The following TENM3 variants were observed in gnomAD, a reference collection of about 807,000 sequenced individuals.
The protein encoded by TENM3 is teneurin-3.
TENM3 carries 63 observed loss-of-function variants against 255.1 expected under a neutral mutation model. The ratio of observed to expected loss-of-function variants is 0.25; its 90% CI spans 0.20 to 0.30. The LOEUF is 0.30. TENM3 is among the 10% of genes least tolerant of loss of function. The pLI is 1.00. For synonymous variants in TENM3, 1,306 were observed against 1,322.3 expected (o/e 0.99, Z 0.27); for missense variants, 2,929 against 3,461.1 (o/e 0.85, Z 3.86).
intron 3 of TENM3, among the ~76,000 whole-genome samples, chr4:182,400,334 G>A (rs1439613625): frequency 1.3e-5 from 2 of 152,180 alleles, no homozygotes; most frequent in African/African-American, 4.8e-5. Flanking sequence ...GGTTTGGAAT[G>A]TTTTAAACAT....
chr4:182,742,155 C>T (rs773162356), intron 18 of TENM3, among the ~76,000 whole-genome samples: 1 of 152,170 alleles, frequency 6.6e-6, no homozygotes, highest in African/African-American at 2.4e-5. Context: ...CTGACTACCC[C>T]GTGTGCATCA....
At chr4:182,637,377 C>T (rs1751930565) in intron 5 of TENM3, among the ~76,000 whole-genome samples, 2 of 152,044 alleles carry the variant, frequency 1.3e-5, no homozygotes, top group African/African-American at 4.8e-5. Flanking sequence ...ATTCCAAAGC[C>T]AGACGTGGTG....
At chr4:182,405,311 G>C (rs1769487994) in intron 3 of TENM3, among the ~76,000 whole-genome samples, 1 of 152,146 alleles carries the variant, frequency 6.6e-6, no homozygotes, top group Admixed American at 6.5e-5. Context: ...CGTAATTTTG[G>C]TGAGAGAAAG....
At chr4:182,375,782 G>T (rs1467161795) in intron 3 of TENM3, among the ~76,000 whole-genome samples, 1 of 152,144 alleles carries the variant, frequency 6.6e-6, no homozygotes, top group Non-Finnish European at 1.5e-5. Flanking sequence ...GACCTCAGGT[G>T]ATCCACCTGC....
Position 182,789,520 on chromosome 4 carries a change from C to A in TENM3, c.5601+131C>A. On this transcript the variant is annotated intron_variant, in intron 25 of 27. Transcript: ENST00000511685. This position sits in a 1 kb window ranked among gnomAD's most constrained non-coding sequence, Gnocchi z 4.4. ...CCATTTGTTATTCGAAGTATCAATA[C>A]GGAAGTCACATTGGCACAGCAGTGA... The A allele has an allele frequency of 2.3e-6, 2 of 887,364 alleles. No individual in the cohort carries two copies. The highest frequency in any genetic ancestry group is 3.6e-4 in the Middle Eastern group (1 of 2,780). The allele number at this position is 887,364 out of a possible 1,614,324, so 55.0% of individuals were successfully genotyped here. A position where few individuals can be genotyped will look rare whatever the true frequency, so the allele number is the denominator to read the frequency against.
chr4:181,709,708 G>A, the TENM3 span, among the ~76,000 whole-genome samples: 311 of 152,388 alleles, frequency 2.0e-3, 4 homozygotes, highest in African/African-American at 7.0e-3. Context: ...CATAGGAGGG[G>A]ACAGCCATGG....
At chr4:182,119,764 T>C in the TENM3 span, among the ~76,000 whole-genome samples, 4 of 152,082 alleles carry the variant, frequency 2.6e-5, no homozygotes, top group Non-Finnish European at 4.4e-5. Context: ...TGGAGTGCAG[T>C]GACATGACCA....
At chr4:182,310,707 TTTTG>T (rs1224452780) in intron 1 of TENM3, among the ~76,000 whole-genome samples, 27 of 151,910 alleles carry the variant, frequency 1.8e-4, no homozygotes, top group African/African-American at 4.3e-4. Context: ...AAACAGGTTT[TTTTG>T]TTTGTTTGTT....
chr4:181,787,193 G>A, the TENM3 span, among the ~76,000 whole-genome samples: 13 of 152,216 alleles, frequency 8.5e-5, no homozygotes, highest in South Asian at 2.5e-3. Flanking sequence ...ACAATAAGAC[G>A]AGCATCAATC....
chr4:182,524,352 C>CTTTT (rs138783384), intron 3 of TENM3, among the ~76,000 whole-genome samples: 2 of 59,444 alleles, frequency 3.4e-5, no homozygotes, highest in African/African-American at 7.1e-5. Flanking sequence ...CACTGATGAG[C>CTTTT]TTTTTTTTTT....
the TENM3 span, among the ~76,000 whole-genome samples, chr4:181,700,023 A>G: frequency 1.3e-5 from 2 of 152,140 alleles, no homozygotes; most frequent in South Asian, 2.1e-4. Context: ...ACTCACCTGA[A>G]AAGTTGAAAA....
chr4:181,505,832 A>C, the TENM3 span, among the ~76,000 whole-genome samples: 1 of 152,222 alleles, frequency 6.6e-6, no homozygotes, highest in African/African-American at 2.4e-5. Context: ...TAAAAACATC[A>C]GCTATCCCAA....
intron 5 of TENM3, among the ~76,000 whole-genome samples, chr4:182,644,543 C>T (rs1237150550): frequency 3.3e-5 from 5 of 151,924 alleles, no homozygotes; most frequent in Non-Finnish European, 7.4e-5. Context: ...GGATTCCGTT[C>T]GTCTCCAGCC....
chr4:182,601,243 G>T, intron 4 of TENM3, 82 bp downstream of exon 4: 1 of 1,100,824 alleles, frequency 9.1e-7, no homozygotes. Context: ...ATTCTGGTGT[G>T]GTGTTTTGGG....
chr4:182,333,314 A>C (rs1371824350), intron 2 of TENM3, among the ~76,000 whole-genome samples: 2 of 152,226 alleles, frequency 1.3e-5, no homozygotes, highest in Non-Finnish European at 2.9e-5. Context: ...GGTGTGTAAA[A>C]ATTCAAAACA....
the TENM3 span, among the ~76,000 whole-genome samples, chr4:181,565,320 T>A: frequency 6.6e-6 from 1 of 152,184 alleles, no homozygotes; most frequent in African/African-American, 2.4e-5. Flanking sequence ...CCATTAATGA[T>A]CAAAGTTACA....
At chr4:182,337,362 C>G (rs1471084322) in intron 2 of TENM3, among the ~76,000 whole-genome samples, 1 of 152,022 alleles carries the variant, frequency 6.6e-6, no homozygotes, top group Admixed American at 6.6e-5. Context: ...AGATAAATAA[C>G]CAAATTTTAA....
At chr4:181,943,447 A>G in the TENM3 span, among the ~76,000 whole-genome samples, 1 of 152,206 alleles carries the variant, frequency 6.6e-6, no homozygotes, top group Non-Finnish European at 1.5e-5. Flanking sequence ...TTATTCTTCC[A>G]GCATTAGTTG....
the TENM3 span, among the ~76,000 whole-genome samples, chr4:181,527,348 G>A: frequency 3.3e-5 from 5 of 151,918 alleles, no homozygotes; most frequent in Non-Finnish European, 7.4e-5. Flanking sequence ...CAGGTTTTTG[G>A]GTGTTTTTAT....
Sources: allele counts gnomAD v4.1 joint callset (sites outside exome capture counted in the v4.1 genomes callset), GRCh38; gene constraint gnomAD v4.1.1; non-coding constraint Gnocchi (gnomAD v3.1); transcripts MANE v1.5; gene names NCBI Gene and HGNC (gene_info 2026-07-23, HGNC 2026-07-21).